NRXN1: variants seen among roughly 807,000 people sequenced by gnomAD.
NRXN1 encodes the protein neurexin 1, also known as neurexin-1.
Under a neutral mutation model 150.9 loss-of-function variants are expected in NRXN1, and 39 were observed. The observed-to-expected ratio is 0.26, with a 90% CI of 0.20 to 0.34. NRXN1 has a LOEUF of 0.34. NRXN1 is among the 10% of genes least tolerant of loss of function. NRXN1 has a pLI of 1.00. For synonymous variants in NRXN1, 924 were observed against 757.0 expected (o/e 1.22, Z -3.62); for missense variants, 1,815 against 1,949.9 (o/e 0.93, Z 1.30).
At chr2:50,042,651 C>T (rs1691177720) in intron 21 of NRXN1, among the ~76,000 whole-genome samples, 1 of 151,258 alleles carries the variant, frequency 6.6e-6, no homozygotes, top group Admixed American at 6.6e-5. Flanking sequence ...TACTAAGTGT[C>T]CTTTTTGTAT....
intron 5 of NRXN1, among the ~76,000 whole-genome samples, chr2:50,735,287 T>C (rs192528112): frequency 6.6e-6 from 1 of 152,228 alleles, no homozygotes; most frequent in Admixed American, 6.5e-5. Flanking sequence ...ACTTTTCATA[T>C]GCTAAAATTA....
chr2:50,944,505 T>C (rs1366913107), intron 2 of NRXN1, among the ~76,000 whole-genome samples: 1 of 152,206 alleles, frequency 6.6e-6, no homozygotes, highest in Non-Finnish European at 1.5e-5. Context: ...GACACCCAAA[T>C]ACTTTCCTAC....
At chr2:50,612,114 A>G (rs561634760) in intron 8 of NRXN1, among the ~76,000 whole-genome samples, 2 of 152,254 alleles carry the variant, frequency 1.3e-5, no homozygotes, top group South Asian at 4.1e-4. Context: ...TTTCGCTCTC[A>G]GATTATTTGG....
chr2:50,056,038 C>T (rs963196896), intron 19 of NRXN1, among the ~76,000 whole-genome samples: 5 of 152,052 alleles, frequency 3.3e-5, no homozygotes, highest in Middle Eastern at 3.4e-3. Context: ...GACACCATCT[C>T]GGTGTTGAGT....
At chr2:51,012,310 G>C (rs1327736266) in intron 2 of NRXN1, among the ~76,000 whole-genome samples, 1 of 151,958 alleles carries the variant, frequency 6.6e-6, no homozygotes, top group Non-Finnish European at 1.5e-5. Flanking sequence ...AGTGATTACA[G>C]TAATTTGAAA....
chr2:49,998,483 T>C, intron 21 of NRXN1, among the ~76,000 whole-genome samples: 1 of 152,302 alleles, frequency 6.6e-6, no homozygotes, highest in East Asian at 1.9e-4. Context: ...CGTCAAACTT[T>C]TTTCAAAACT....
chr2:50,586,626 A>T (rs1317098846), intron 8 of NRXN1, among the ~76,000 whole-genome samples: 3 of 152,126 alleles, frequency 2.0e-5, no homozygotes, highest in Admixed American at 2.0e-4. Flanking sequence ...TCTAAGAAAA[A>T]TTAGTGGCTT....
intron 5 of NRXN1, among the ~76,000 whole-genome samples, chr2:50,654,903 G>A (rs1196462120): frequency 2.0e-5 from 3 of 151,926 alleles, no homozygotes; most frequent in African/African-American, 7.2e-5. Flanking sequence ...AGGTTCAAAC[G>A]ATGCTTAAAC....
At chr2:50,710,197 C>T (rs749881295) in intron 5 of NRXN1, among the ~76,000 whole-genome samples, 2 of 152,144 alleles carry the variant, frequency 1.3e-5, no homozygotes, top group African/African-American at 2.4e-5. Flanking sequence ...CAACTGTCGA[C>T]CACACGCCAG....
At chr2:50,088,922 T>C (rs1243977607) in intron 19 of NRXN1, among the ~76,000 whole-genome samples, 1 of 152,180 alleles carries the variant, frequency 6.6e-6, no homozygotes, top group Non-Finnish European at 1.5e-5. Flanking sequence ...AATTGGGGCA[T>C]ATAGACATTT....
intron 16 of NRXN1, among the ~76,000 whole-genome samples, chr2:50,467,000 G>A (rs1298286081): frequency 6.6e-6 from 1 of 151,734 alleles, no homozygotes; most frequent in Non-Finnish European, 1.5e-5. Flanking sequence ...ACTTTAGAGT[G>A]ACACCAACCA....
chr2:51,022,662 G>C (rs1373444235), intron 2 of NRXN1, among the ~76,000 whole-genome samples: 1 of 152,050 alleles, frequency 6.6e-6, no homozygotes, highest in Admixed American at 6.6e-5. Context: ...TACAATGGCA[G>C]ACTTCAAACA....
intron 18 of NRXN1, among the ~76,000 whole-genome samples, chr2:50,200,117 CTAT>C (rs1233813801): frequency 6.6e-6 from 1 of 151,958 alleles, no homozygotes; most frequent in African/African-American, 2.4e-5. Flanking sequence ...TACTCATTAC[CTAT>C]TATAAATATT....
chr2:50,853,256 C>T (rs1237010078), intron 5 of NRXN1, among the ~76,000 whole-genome samples: 2 of 152,112 alleles, frequency 1.3e-5, no homozygotes, highest in Admixed American at 6.6e-5. Flanking sequence ...AACAATTTCA[C>T]AGTAGGATAC....
intron 5 of NRXN1, among the ~76,000 whole-genome samples, chr2:50,852,205 A>G (rs958027708): frequency 3.3e-5 from 5 of 152,172 alleles, no homozygotes; most frequent in African/African-American, 1.2e-4. Flanking sequence ...GGCACTAGTC[A>G]CTCATAGCTT....
At chr2:50,331,855 G>C (rs897559592) in intron 17 of NRXN1, among the ~76,000 whole-genome samples, 1 of 152,262 alleles carries the variant, frequency 6.6e-6, no homozygotes, top group Non-Finnish European at 1.5e-5. Context: ...ATAAGGTCTT[G>C]TTCCTCAAGC....
At chr2:50,641,957 T>G (rs951103145) in intron 5 of NRXN1, among the ~76,000 whole-genome samples, 1 of 152,122 alleles carries the variant, frequency 6.6e-6, no homozygotes, top group Non-Finnish European at 1.5e-5. Context: ...CTTACACTTA[T>G]GCACATGTAT....
At chr2:50,301,117 G>T (rs2074108946) in intron 17 of NRXN1, among the ~76,000 whole-genome samples, 1 of 152,150 alleles carries the variant, frequency 6.6e-6, no homozygotes. Context: ...TTCAGATCTG[G>T]TTATTCAGAC....
chr2:50,533,748 C>T (rs2093179453), intron 10 of NRXN1, among the ~76,000 whole-genome samples: 1 of 152,144 alleles, frequency 6.6e-6, no homozygotes, highest in African/African-American at 2.4e-5. Flanking sequence ...GCTCCAGATA[C>T]ACCAATTTCA....
Sources: gnomAD v4.1 joint callset for allele counts (sites outside exome capture counted in the v4.1 genomes callset) on GRCh38, gnomAD v4.1.1 for gene constraint, MANE v1.5 for transcripts, NCBI Gene and HGNC (gene_info 2026-07-23, HGNC 2026-07-21) for gene names.